The following SNTB1 variants were observed in gnomAD, a reference collection of about 807,000 sequenced individuals.
The protein encoded by SNTB1 is syntrophin beta 1, also known as beta-1-syntrophin.
Under a neutral mutation model 48.9 loss-of-function variants are expected in SNTB1, and 36 were observed. That is an observed-to-expected ratio of 0.74 (90% CI 0.56 to 0.97). The LOEUF is 0.97. SNTB1 is among the 50% of genes least tolerant of loss of function. The pLI is 0.00. For missense variants in SNTB1, 786 were observed against 703.4 expected (o/e 1.12, Z -1.33); for synonymous variants, 299 against 294.6 (o/e 1.01, Z -0.15).
In SNTB1 at chr8:120,811,242, C is replaced by T. The variant is rs373481464; in HGVS notation, c.571+31G>A. On this transcript the variant is annotated intron_variant, in intron 1 of 6. Coordinates refer to ENST00000517992, the MANE Select transcript of SNTB1 (RefSeq NM_021021.4). ...GAAGCCGAGCAGGTGTGTGCGCGCC[C>T]GGCGCGGCCCGCGCGCTGTTAACCC... is the stretch of plus-strand genomic sequence containing the variant. The T allele has an allele frequency of 2.6e-6, 4 of 1,550,276 alleles. No homozygotes were observed. The African/African-American group carries it at 4.1e-5, about 16-fold the overall frequency.
chr8:120,787,083 C>A (rs1366587199), intron 1 of SNTB1, among the ~76,000 whole-genome samples: 1 of 152,122 alleles, frequency 6.6e-6, no homozygotes, highest in East Asian at 1.9e-4. Context: ...CTGAGAAAGC[C>A]ATTACACAAG....
chr8:120,774,811 GC>G (rs1251372598), intron 1 of SNTB1, among the ~76,000 whole-genome samples: 7 of 151,956 alleles, frequency 4.6e-5, no homozygotes, highest in African/African-American at 1.7e-4. Flanking sequence ...CCACCACCAC[GC>G]CCTGCTAATT....
intron 1 of SNTB1, among the ~76,000 whole-genome samples, chr8:120,791,708 CAT>C (rs958629572): frequency 6.6e-5 from 10 of 151,876 alleles, no homozygotes; most frequent in African/African-American, 2.4e-4. Context: ...AAATGCTCAA[CAT>C]CAATTATCAG....
chr8:120,655,082 C>G (rs1484951942), intron 2 of SNTB1: 3 of 395,642 alleles, frequency 7.6e-6, no homozygotes, highest in Admixed American at 6.3e-5. Flanking sequence ...GTGGTTAACT[C>G]TAGATCATGA....
intron 1 of SNTB1, among the ~76,000 whole-genome samples, chr8:120,802,486 T>A (rs1049503220): frequency 4.6e-5 from 7 of 152,118 alleles, no homozygotes; most frequent in African/African-American, 1.7e-4. Context: ...ATGGAAAACA[T>A]CTGATGCTGC....
rs573070349 is a variant in SNTB1, at chr8:120,600,364, C to T, written c.997-25139G>A. ...TCCAGTTGACAATCCCAGCTGAGGT[C>T]CCAAATGACAACCAGGACCAATTAT... On this transcript the variant is annotated intron_variant, in intron 3 of 6. Coordinates refer to ENST00000517992, the MANE Select transcript of SNTB1 (RefSeq NM_021021.4). Among the ~76,000 whole-genome samples the T allele has an allele frequency of 3.9e-5, 6 of 152,310 alleles. No individual in the cohort carries two copies. In the South Asian group the frequency reaches 1.0e-3, roughly 26 times the overall value.
At position 120,726,138 on chromosome 8, in the gene SNTB1, G is replaced by A. The variant is rs184391851; in HGVS notation, c.572-32230C>T. Among the ~76,000 whole-genome samples the A allele has an allele frequency of 1.8e-3, 274 of 152,184 alleles. 1 individual carries two copies. Among genetic ancestry groups the A allele is most frequent in the Non-Finnish European group, 2.6e-3 (178 of 68,012 alleles). On this transcript the variant is annotated intron_variant, in intron 1 of 6. Transcript: ENST00000517992. ...AAATTTTTCCCCATTTGCTGGTGCC[G>A]TATAAGCAAAACTATTTTCCTCATC...
At chr8:120,644,844 T>C (rs1163132135) in intron 2 of SNTB1, among the ~76,000 whole-genome samples, 4 of 151,988 alleles carry the variant, frequency 2.6e-5, no homozygotes, top group African/African-American at 9.7e-5. Context: ...GACTTTTTAA[T>C]GATTGCCATT....
intron 4 of SNTB1, among the ~76,000 whole-genome samples, chr8:120,554,117 C>G (rs1232274454): frequency 6.6e-6 from 1 of 152,186 alleles, no homozygotes; most frequent in Non-Finnish European, 1.5e-5. Context: ...GGGAGGTCCA[C>G]TGCCTGTGTG....
At chr8:120,741,650 C>G (rs1040629305) in intron 1 of SNTB1, among the ~76,000 whole-genome samples, 1 of 152,220 alleles carries the variant, frequency 6.6e-6, no homozygotes, top group South Asian at 2.1e-4. Flanking sequence ...AACAAACACC[C>G]AAGAAGTATG....
intron 2 of SNTB1, chr8:120,637,172 G>T: frequency 3.1e-6 from 1 of 319,148 alleles, no homozygotes; most frequent in East Asian, 8.6e-5. Flanking sequence ...CAAACATGGG[G>T]GAGAGCATGC....
chr8:120,722,592 TG>T lies in SNTB1; in HGVS notation c.572-28685del, dbSNP rs1818682073. Among the ~76,000 whole-genome samples, 5 of 152,202 alleles carry T rather than the reference TG, an allele frequency of 3.3e-5. No individual in the cohort carries two copies. In the South Asian group the frequency reaches 1.0e-3, roughly 32 times the overall value. ...TCCGTTGCTCACTTTTTGATGGGGTTGTTTTTTTCTTGTAAGTTTGTTTAAG... is the reference window on the plus strand; with the variant it reads ...TCCGTTGCTCACTTTTTGATGGGGTTTTTTTTTCTTGTAAGTTTGTTTAAG... On this transcript the variant is annotated intron_variant, in intron 1 of 6. Coordinates refer to ENST00000517992, the MANE Select transcript of SNTB1 (RefSeq NM_021021.4).
chr8:120,682,344 C>T, intron 2 of SNTB1, among the ~76,000 whole-genome samples: 1 of 152,102 alleles, frequency 6.6e-6, no homozygotes, highest in East Asian at 1.9e-4. Context: ...TAAAAAGGGA[C>T]TGTATGAGAT....
intron 1 of SNTB1, among the ~76,000 whole-genome samples, chr8:120,724,299 C>T (rs950309996): frequency 1.3e-5 from 2 of 152,234 alleles, no homozygotes; most frequent in African/African-American, 2.4e-5. Context: ...GGCCTGCCTG[C>T]TTTAATTAGT....
chr8:120,582,801 C>G (rs1164738372), intron 3 of SNTB1, among the ~76,000 whole-genome samples: 5 of 152,036 alleles, frequency 3.3e-5, no homozygotes, highest in Non-Finnish European at 7.4e-5. Flanking sequence ...GGACAAATAC[C>G]TAATGCATGC....
intron 3 of SNTB1, among the ~76,000 whole-genome samples, chr8:120,623,560 A>G (rs958801524): frequency 1.3e-5 from 2 of 152,134 alleles, no homozygotes; most frequent in Admixed American, 6.5e-5. Context: ...TGCAACCCCA[A>G]TGTGGTCCTG....
At chr8:120,551,138 T>A (rs1013366254) in intron 4 of SNTB1, among the ~76,000 whole-genome samples, 1 of 151,438 alleles carries the variant, frequency 6.6e-6, no homozygotes, top group African/African-American at 2.4e-5. Flanking sequence ...CACCTGTAAT[T>A]CCAGCTACTT....
At chr8:120,684,378 G>A (rs1328241933) in intron 2 of SNTB1, among the ~76,000 whole-genome samples, 1 of 152,030 alleles carries the variant, frequency 6.6e-6, no homozygotes, top group African/African-American at 2.4e-5. Flanking sequence ...CATCACAATA[G>A]CCCCCAAAAT....
At chr8:120,646,943 T>A (rs945356907) in intron 2 of SNTB1, among the ~76,000 whole-genome samples, 12 of 152,076 alleles carry the variant, frequency 7.9e-5, no homozygotes, top group African/African-American at 2.9e-4. Flanking sequence ...ATTTTCTAGT[T>A]TATTTGCGTA....
Sources: gnomAD v4.1 joint callset for allele counts (sites outside exome capture counted in the v4.1 genomes callset) on GRCh38, gnomAD v4.1.1 for gene constraint, MANE v1.5 for transcripts, NCBI Gene and HGNC (gene_info 2026-07-23, HGNC 2026-07-21) for gene names.